The following ATL3 variants were observed in gnomAD, a reference collection of about 807,000 sequenced individuals.
ATL3 encodes atlastin-3.
In ATL3, 49 loss-of-function variants were observed where a neutral mutation model predicts 69.5. The observed-to-expected ratio is 0.71, with a 90% CI of 0.56 to 0.89. The LOEUF (loss-of-function observed/expected upper bound fraction) is 0.89. ATL3 is among the 40% of genes least tolerant of loss of function. ATL3 has a pLI of 0.00. For missense variants in ATL3, 606 were observed against 645.7 expected (o/e 0.94, Z 0.67); for synonymous variants, 214 against 224.1 (o/e 0.95, Z 0.40).
At chr11:63,629,528 G>T in intron 12 of ATL3, 123 bp from the exon 13 acceptor site, 1 of 782,710 alleles carries the variant, frequency 1.3e-6, no homozygotes, top group Non-Finnish European at 2.1e-6. Context: ...GCAGTTGAAT[G>T]AAAATGCAGG....
chr11:63,625,838 C>T lies in ATL3; in HGVS notation c.*3481G>A, dbSNP rs544424227. The stretch of plus-strand genomic sequence containing the variant: ...CTCTACTAAAAATACAAAAATAAGC[C>T]GGGTGTGGTGGCACATGCCTGTAAT... On this transcript the variant is annotated 3_prime_UTR_variant, in exon 13 of 13. Transcript: ENST00000398868. The T allele has an allele frequency of 6.6e-6, 1 of 152,198 alleles. No individual in the cohort carries two copies. Among genetic ancestry groups the T allele is most frequent in the East Asian group, 1.9e-4 (1 of 5,158 alleles). 9.4% of individuals were successfully genotyped at this position (152,198 alleles called of 1,614,324 possible).
intron 3 of ATL3, among the ~76,000 whole-genome samples, chr11:63,654,005 T>C (rs906781882): frequency 6.6e-6 from 1 of 152,172 alleles, no homozygotes; most frequent in African/African-American, 2.4e-5. Flanking sequence ...CTAATGACAA[T>C]ATATTGGTTC....
rs1179629832 is a variant in ATL3 at position 63,624,244 on chromosome 11, ACTTTT to A, written c.*5070_*5074del. ...CAAAGGCAAGGGTCTAGCAGACAGT[ACTTTT>A]AACAAATCATTTTTTAAAATAAAAA... On this transcript the variant is annotated 3_prime_UTR_variant, in exon 13 of 13. Transcript: ENST00000398868. 1 of 152,218 alleles carries A rather than the reference ACTTTT, an allele frequency of 6.6e-6. No homozygotes were observed. The highest frequency in any genetic ancestry group is 1.5e-5 in the Non-Finnish European group (1 of 68,026). The allele number at this position is 152,218 out of a possible 1,614,324, so 9.4% of individuals were successfully genotyped here.
At chr11:63,639,890 C>T (rs1429192248) in intron 8 of ATL3, among the ~76,000 whole-genome samples, 1 of 152,046 alleles carries the variant, frequency 6.6e-6, no homozygotes, top group African/African-American at 2.4e-5. Flanking sequence ...ATATCACAAA[C>T]ATCTTTCTGT....
At chr11:63,661,632 G>A (rs996229064) in intron 1 of ATL3, among the ~76,000 whole-genome samples, 1 of 151,940 alleles carries the variant, frequency 6.6e-6, no homozygotes, top group Non-Finnish European at 1.5e-5. Context: ...GCTCACCTGC[G>A]CAATCCCAGC....
chr11:63,669,724 T>C (rs1478436828), intron 1 of ATL3, among the ~76,000 whole-genome samples: 1 of 148,934 alleles, frequency 6.7e-6, no homozygotes, highest in Non-Finnish European at 1.5e-5. Flanking sequence ...AGGAGGGTGG[T>C]TCACCTGAGG....
chr11:63,649,041 A>G (rs1288417303), intron 5 of ATL3, among the ~76,000 whole-genome samples: 1 of 151,642 alleles, frequency 6.6e-6, no homozygotes. Flanking sequence ...GAATCACTTG[A>G]ACTTGGGAGG....
intron 11 of ATL3, among the ~76,000 whole-genome samples, chr11:63,631,837 C>T (rs550231306): frequency 5.5e-4 from 84 of 152,230 alleles, no homozygotes; most frequent in African/African-American, 1.8e-3. Flanking sequence ...AAAAAATTAG[C>T]CGGGCGTGAT....
Position 63,635,584 on chromosome 11 carries a change from T to C in ATL3, c.985A>G (p.Ile329Val). The C allele has an allele frequency of 1.2e-6, 2 of 1,601,448 alleles. No individual in the cohort carries two copies. The highest frequency in any genetic ancestry group is 1.7e-6 in the Non-Finnish European group (2 of 1,168,882). Residue 329 changes from isoleucine (I) to valine (V), a missense_variant, in exon 10 of 13, where the codon ATT becomes GTT. By Grantham distance (29) the Ile-to-Val change is conservative. Transcript: ENST00000398868. ...RGLLEYFKAY[I>V]KIYQGEDLPH... ...AGATCTTCTCCTTGATAAATTTTAA[T>C]ATATGCCTTAAAATATAAACATAAA...
chr11:63,646,576 A>C lies in ATL3; in HGVS notation c.562-13T>G. On this transcript the variant is annotated splice_polypyrimidine_tract_variant and intron_variant, in intron 5 of 12. Coordinates refer to ENST00000398868, the MANE Select transcript of ATL3 (RefSeq NM_015459.5). ...ATTCTGTGAAGAGCTTTAAAAAAGA[A>C]GCATTATGGTTTGTAAAGCAAAATT... 6.3e-7 allele frequency: 1 copy of C among 1,586,440 alleles called. No individual in the cohort carries two copies. The highest frequency in any genetic ancestry group is 2.2e-5 in the East Asian group (1 of 44,652).
chr11:63,664,801 T>G (rs896842071), intron 1 of ATL3, among the ~76,000 whole-genome samples: 1 of 151,358 alleles, frequency 6.6e-6, no homozygotes, highest in Non-Finnish European at 1.5e-5. Flanking sequence ...AGATAGAAGG[T>G]TTCACCATAT....
chr11:63,665,435 G>A (rs1175917576), intron 1 of ATL3, among the ~76,000 whole-genome samples: 1 of 152,086 alleles, frequency 6.6e-6, no homozygotes, highest in Non-Finnish European at 1.5e-5. Context: ...GACAGCTATG[G>A]GGGAAAAGTC....
At position 63,627,520 on chromosome 11, in the gene ATL3, T is replaced by G. The variant is rs1376029716; in HGVS notation, c.*1799A>C. The G allele has an allele frequency of 6.6e-6, 1 of 152,262 alleles. No homozygotes were observed. Among genetic ancestry groups the G allele is most frequent in the Non-Finnish European group, 1.5e-5 (1 of 68,042 alleles). The allele number at this position is 152,262 out of a possible 1,614,324, so 9.4% of individuals were successfully genotyped here. ...TACATGCGAAAAGGGACTTTTTTTC[T>G]ACCTTCCATTCATACTTCATGTATG... On this transcript the variant is annotated 3_prime_UTR_variant, in exon 13 of 13. Transcript: ENST00000398868.
intron 3 of ATL3, among the ~76,000 whole-genome samples, chr11:63,658,136 G>A (rs756470902): frequency 3.3e-5 from 5 of 152,164 alleles, no homozygotes; most frequent in African/African-American, 4.8e-5. Flanking sequence ...TATTACAGAC[G>A]TGAGCCACAG....
chr11:63,644,937 C>A (rs1173786734), intron 6 of ATL3, among the ~76,000 whole-genome samples: 1 of 152,074 alleles, frequency 6.6e-6, no homozygotes, highest in Non-Finnish European at 1.5e-5. Flanking sequence ...AGATCTGTGG[C>A]CGGGCACAGT....
At chr11:63,645,440 T>C (rs917812701) in intron 6 of ATL3, among the ~76,000 whole-genome samples, 1 of 151,934 alleles carries the variant, frequency 6.6e-6, no homozygotes, top group African/African-American at 2.4e-5. Context: ...AAATAAGGCT[T>C]ACACACTGAA....
intron 12 of ATL3, among the ~76,000 whole-genome samples, chr11:63,630,337 G>A (rs1187821247): frequency 2.8e-5 from 4 of 144,220 alleles, no homozygotes; most frequent in South Asian, 2.2e-4. Flanking sequence ...TGAGGCAAGA[G>A]AATCACTTGA....
Position 63,669,569 on chromosome 11 carries a change from T to C in ATL3, c.46+1721A>G, listed in dbSNP as rs147303687. On this transcript the variant is annotated intron_variant, in intron 1 of 12. Transcript: ENST00000398868. The stretch of plus-strand genomic sequence containing the variant: ...AAAAAAAAGAAAAGAAAAAGAAAAT[T>C]AAGCTAGTACACAACACCACATCTA... 8.7e-3 allele frequency among the ~76,000 whole-genome samples: 1,327 copies of C among 151,942 alleles called. 9 individuals are homozygous for C. Among genetic ancestry groups the C allele is most frequent in the Non-Finnish European group, 0.013 (898 of 67,956 alleles).
Position 63,625,446 on chromosome 11 carries a change from TTTAA to T in ATL3, c.*3869_*3872del, listed in dbSNP as rs1939075184. 1 of 151,970 alleles carries T rather than the reference TTTAA, an allele frequency of 6.6e-6. No homozygotes were observed. Among genetic ancestry groups the T allele is most frequent in the African/African-American group, 2.4e-5 (1 of 41,374 alleles). 9.4% of individuals were successfully genotyped at this position (151,970 alleles called of 1,614,324 possible). A position where few individuals can be genotyped will look rare whatever the true frequency, so the allele number is the denominator to read the frequency against. On this transcript the variant is annotated 3_prime_UTR_variant, in exon 13 of 13. Transcript: ENST00000398868. ...AAATTAAAAACTGTTTTATTAAAGT[TTTAA>T]TTTTTAAAAAATTAAAAAATTAAAA...
Sources: allele counts gnomAD v4.1 joint callset (sites outside exome capture counted in the v4.1 genomes callset), GRCh38; gene constraint gnomAD v4.1.1; transcripts MANE v1.5; gene names NCBI Gene and HGNC (gene_info 2026-07-23, HGNC 2026-07-21).